TIMP2: variants seen among roughly 807,000 people sequenced by gnomAD.
TIMP2 encodes the protein TIMP metallopeptidase inhibitor 2.
In TIMP2, 5 loss-of-function variants were observed where a neutral mutation model predicts 24.3. That is an observed-to-expected ratio of 0.21 (90% CI 0.11 to 0.43). The LOEUF is 0.43. Among genes scored for constraint, TIMP2 ranks in the 20% least tolerant of loss-of-function variants. The pLI is 1.00. For missense variants in TIMP2, 221 were observed against 297.5 expected (o/e 0.74, Z 1.89); for synonymous variants, 130 against 123.2 (o/e 1.06, Z -0.37).
intron 1 of TIMP2, among the ~76,000 whole-genome samples, chr17:78,874,337 A>G (rs2069710936): frequency 6.6e-6 from 1 of 151,992 alleles, no homozygotes; most frequent in Non-Finnish European, 1.5e-5. Flanking sequence ...TGGGGCAAGC[A>G]GGTACCCCAT....
chr17:78,893,254 T>C (rs1304101777), intron 1 of TIMP2, among the ~76,000 whole-genome samples: 1 of 141,602 alleles, frequency 7.1e-6, no homozygotes, highest in South Asian at 2.3e-4. Flanking sequence ...TAGGAGTGTG[T>C]GTGCAGGGGT....
At chr17:78,901,702 C>T (rs2070095893) in intron 1 of TIMP2, 1 of 716,514 alleles carries the variant, frequency 1.4e-6, no homozygotes, top group African/African-American at 1.7e-5. Context: ...ATGATAACAA[C>T]AGCAGCACCC....
At chr17:78,892,642 T>A in intron 1 of TIMP2, 1 of 879,000 alleles carries the variant, frequency 1.1e-6, no homozygotes, top group South Asian at 1.9e-5. Flanking sequence ...TCCTGTACAC[T>A]TTTGACAAGA....
At chr17:78,880,749 T>C (rs1220744347) in intron 1 of TIMP2, among the ~76,000 whole-genome samples, 2 of 152,208 alleles carry the variant, frequency 1.3e-5, no homozygotes, top group African/African-American at 2.4e-5. Flanking sequence ...TCCACACTCA[T>C]TGAATTCTCT....
rs2070338743 is a variant in TIMP2, at chr17:78,925,012, G to C, written c.77C>G (p.Ala26Gly). 3 of 1,292,696 alleles carry C rather than the reference G, an allele frequency of 2.3e-6. No individual in the cohort carries two copies. Among genetic ancestry groups the C allele is most frequent in the Non-Finnish European group, 2.0e-6 (2 of 1,010,590 alleles). 80.1% of individuals were successfully genotyped at this position (1,292,696 alleles called of 1,614,324 possible). A position where few individuals can be genotyped will look rare whatever the true frequency, so the allele number is the denominator to read the frequency against. ...LLATLLRPAD[A>G]CSCSPVHPQQ... ...CGGGTGCACCGGGGAGCAGCTGCAGGCGTCGGCCGGGCGAAGCAGCGTCGC... is the reference window on the plus strand; with the variant it reads ...CGGGTGCACCGGGGAGCAGCTGCAGCCGTCGGCCGGGCGAAGCAGCGTCGC... The change falls in exon 1 of 5, where the codon GCC (alanine) becomes GGC (glycine). Residue 26 changes from alanine to glycine, a missense_variant. Ala to Gly is a moderately conservative substitution (Grantham distance 60). Coordinates refer to ENST00000262768, the MANE Select transcript of TIMP2 (RefSeq NM_003255.5).
rs140529618 is a variant in TIMP2, at chr17:78,913,183, C to T, written c.130+11776G>A. 4.2e-3 allele frequency among the ~76,000 whole-genome samples: 642 copies of T among 152,318 alleles called. 4 individuals carry two copies. Among genetic ancestry groups the T allele is most frequent in the African/African-American group, 0.015 (614 of 41,564 alleles). ...ATTTTGGGAGGCCGACTGCCGGCTA[C>T]AGGACCTCGCCATACCAACAAGGGC... On this transcript the variant is annotated intron_variant, in intron 1 of 4. Coordinates refer to ENST00000262768, the MANE Select transcript of TIMP2 (RefSeq NM_003255.5).
intron 3 of TIMP2, among the ~76,000 whole-genome samples, chr17:78,868,970 T>C (rs1421638354): frequency 6.6e-6 from 1 of 152,194 alleles, no homozygotes; most frequent in Admixed American, 6.5e-5. Context: ...GAATATCCTA[T>C]AATGCATAAG....
At chr17:78,888,980 T>TA (rs1396146462) in intron 1 of TIMP2, among the ~76,000 whole-genome samples, 1 of 152,200 alleles carries the variant, frequency 6.6e-6, no homozygotes, top group East Asian at 1.9e-4. Flanking sequence ...AGACAGACTC[T>TA]GAAACCATCC....
At chr17:78,890,576 G>T in intron 1 of TIMP2, 1 of 1,484,362 alleles carries the variant, frequency 6.7e-7, no homozygotes, top group South Asian at 1.3e-5. Context: ...TTAGAGACCC[G>T]GGTACCAGTG....
At chr17:78,879,412 G>A (rs757299475) in intron 1 of TIMP2, among the ~76,000 whole-genome samples, 30 of 152,238 alleles carry the variant, frequency 2.0e-4, no homozygotes, top group Non-Finnish European at 3.7e-4. Context: ...GCTGGGGAAA[G>A]CGAAGAGACA....
chr17:78,920,403 C>T lies in TIMP2; in HGVS notation c.130+4556G>A, dbSNP rs2070300463. Among the ~76,000 whole-genome samples, 1 of 152,184 alleles carries T rather than the reference C, an allele frequency of 6.6e-6. No homozygotes were observed. The highest frequency in any genetic ancestry group is 1.5e-5 in the Non-Finnish European group (1 of 68,032). ...GGCCCGAGAGGCTCTGAGGCTGGCA[C>T]TGTCCTCAGATCCCAGATAGGGAGA... is the stretch of plus-strand genomic sequence containing the variant. On this transcript the variant is annotated intron_variant, in intron 1 of 4. Coordinates refer to ENST00000262768, the MANE Select transcript of TIMP2 (RefSeq NM_003255.5). The surrounding 1 kb of genome is among the most constrained non-coding windows in gnomAD (Gnocchi z 4.5).
rs555375636 is a variant in TIMP2 at position 78,857,465 on chromosome 17, G to A, written c.465+57C>T. On this transcript the variant is annotated intron_variant, in intron 4 of 4. Transcript: ENST00000262768. ...AAAGCCAGGGATCAAAATCCCTGCC[G>A]TCCATCTGGAGACACTGGGAGGAGG... The A allele has an allele frequency of 4.2e-4, 682 of 1,608,610 alleles. 9 individuals carry two copies. The South Asian group carries it at 5.7e-3, about 13-fold the overall frequency.
In TIMP2 at chr17:78,855,364, C is replaced by T. The variant is rs1056349711; in HGVS notation, c.*303G>A. The T allele has an allele frequency of 3.0e-5, 13 of 437,390 alleles. No homozygotes were observed. The East Asian group carries it at 3.4e-4, about 11-fold the overall frequency. 27.1% of individuals were successfully genotyped at this position (437,390 alleles called of 1,614,324 possible). A position where few individuals can be genotyped will look rare whatever the true frequency, so the allele number is the denominator to read the frequency against. ...AGTGCTGCCTGCTTGGCATCTGTGA[C>T]GGTGCCAAGGCAGGGACTGGGAGGG... On this transcript the variant is annotated 3_prime_UTR_variant, in exon 5 of 5. Coordinates refer to ENST00000262768, the MANE Select transcript of TIMP2 (RefSeq NM_003255.5). The surrounding 1 kb of genome is among the most constrained non-coding windows in gnomAD (Gnocchi z 6.0).
chr17:78,891,147 C>T lies in TIMP2; in HGVS notation c.131-17228G>A, dbSNP rs767807449. The T allele has an allele frequency of 1.8e-5, 28 of 1,550,546 alleles. No homozygotes were observed. The highest frequency in any genetic ancestry group is 1.1e-4 in the South Asian group (9 of 84,070). ...TCTTTGTTGATAAATATACCTGCCT[C>T]GGGAGACAATGTTTGACTTCCATTT... is the stretch of plus-strand genomic sequence containing the variant. On this transcript the variant is annotated intron_variant, in intron 1 of 4. Coordinates refer to ENST00000262768, the MANE Select transcript of TIMP2 (RefSeq NM_003255.5). The surrounding 1 kb of genome is among the most constrained non-coding windows in gnomAD (Gnocchi z 4.5).
intron 1 of TIMP2, among the ~76,000 whole-genome samples, chr17:78,894,342 A>T: frequency 6.6e-6 from 1 of 152,056 alleles, no homozygotes; most frequent in East Asian, 1.9e-4. Flanking sequence ...GTCACACTGC[A>T]GCTGGCTTTG....
In TIMP2 at chr17:78,891,304, C is replaced by A. The variant is rs1314621932; in HGVS notation, c.131-17385G>T. On this transcript the variant is annotated intron_variant, in intron 1 of 4. Transcript: ENST00000262768. The surrounding 1 kb of genome is among the most constrained non-coding windows in gnomAD (Gnocchi z 4.5). ...GGCTCCTGGGTTCCCCGGCAGGCAG[C>A]ATCTCTGGGTCTGCCATTTTCTTCC... 1 of 1,550,552 alleles carries A rather than the reference C, an allele frequency of 6.4e-7. No homozygotes were observed. Among genetic ancestry groups the A allele is most frequent in the Non-Finnish European group, 8.7e-7 (1 of 1,146,966 alleles).
chr17:78,903,480 G>T (rs2070126598), intron 1 of TIMP2, among the ~76,000 whole-genome samples: 1 of 152,174 alleles, frequency 6.6e-6, no homozygotes, highest in Non-Finnish European at 1.5e-5. Flanking sequence ...ACCTCCCAGG[G>T]TGTCATTCTC....
rs1397820213 is a variant in TIMP2 at position 78,920,155 on chromosome 17, G to A, written c.130+4804C>T. Among the ~76,000 whole-genome samples, 3 of 152,278 alleles carry A rather than the reference G, an allele frequency of 2.0e-5. No individual in the cohort carries two copies. Among genetic ancestry groups the A allele is most frequent in the South Asian group, 2.1e-4 (1 of 4,826 alleles). The stretch of plus-strand genomic sequence containing the variant: ...GCATCAGGACTGGAGACGGCTGCCC[G>A]CGCCTCTCAGTCTCCCAGGAGTCAT... On this transcript the variant is annotated intron_variant, in intron 1 of 4. Transcript: ENST00000262768. The surrounding 1 kb of genome is among the most constrained non-coding windows in gnomAD (Gnocchi z 4.5).
chr17:78,863,619 G>A (rs909197513), intron 3 of TIMP2, among the ~76,000 whole-genome samples: 1 of 152,118 alleles, frequency 6.6e-6, no homozygotes, highest in African/African-American at 2.4e-5. Context: ...ACAGGTCCAG[G>A]GAGCAATGCC....
Sources: allele counts gnomAD v4.1 joint callset (sites outside exome capture counted in the v4.1 genomes callset), GRCh38; gene constraint gnomAD v4.1.1; non-coding constraint Gnocchi (gnomAD v3.1); transcripts MANE v1.5; gene names NCBI Gene and HGNC (gene_info 2026-07-23, HGNC 2026-07-21).